Variants in USH2A observed in about 807,000 individuals in gnomAD.
USH2A encodes Usher syndrome 2A (autosomal recessive, mild).
A neutral mutation model predicts 538.9 loss-of-function variants in USH2A; 443 were observed. That is an observed-to-expected ratio of 0.82 (90% CI 0.76 to 0.89). USH2A has a LOEUF of 0.89. Among genes scored for constraint, USH2A ranks in the 40% least tolerant of loss-of-function variants. The probability of loss-of-function intolerance (pLI) is 0.00; values close to 1 mark genes in which losing one functional copy is unlikely to be tolerated. For missense variants in USH2A, 6,633 were observed against 6,324.8 expected (o/e 1.05, Z -1.65); for synonymous variants, 2,413 against 2,273.5 (o/e 1.06, Z -1.75).
At chr1:216,251,146 A>T (rs1190700295) in intron 11 of USH2A, 48 bp from the exon 12 acceptor site, 1 of 1,601,520 alleles carries the variant, frequency 6.2e-7, no homozygotes, top group East Asian at 2.2e-5. Context: ...ATCTATTTTT[A>T]GATAATTTGC....
chr1:216,063,891 T>C (rs2031263083), intron 30 of USH2A, among the ~76,000 whole-genome samples: 2 of 152,224 alleles, frequency 1.3e-5, no homozygotes, highest in African/African-American at 4.8e-5. Context: ...CAAATTTCTA[T>C]AGACTACTAA....
Position 215,877,837 on chromosome 1 carries a change from T to C in USH2A, c.8602A>G (p.Asn2868Asp). 2 of 1,613,842 alleles carry C rather than the reference T, an allele frequency of 1.2e-6. No homozygotes were observed. Among genetic ancestry groups the C allele is most frequent in the Non-Finnish European group, 1.7e-6 (2 of 1,179,766 alleles). The change falls in exon 43 of 72, where the codon AAT becomes GAT. Residue 2868 changes from asparagine (N) to aspartate (D), a missense_variant. Coordinates refer to ENST00000307340, the MANE Select transcript of USH2A (RefSeq NM_206933.4). ...RRKIQQPLAS[N>D]PPEDLNRWHN... ...CACCGATTTAAATCTTCTGGGGGAT[T>C]TGATGCAAGTGGCTGCTGGATTTTA...
chr1:216,148,367 C>G (rs1217349979), intron 21 of USH2A, among the ~76,000 whole-genome samples: 1 of 151,908 alleles, frequency 6.6e-6, no homozygotes, highest in East Asian at 1.9e-4. Context: ...ACAGCTATAT[C>G]TCATTGCCGC....
At chr1:216,258,982 C>G (rs1487237921) in intron 11 of USH2A, among the ~76,000 whole-genome samples, 1 of 152,048 alleles carries the variant, frequency 6.6e-6, no homozygotes, top group African/African-American at 2.4e-5. Context: ...GCTCTCAACC[C>G]AAATAACATA....
intron 30 of USH2A, among the ~76,000 whole-genome samples, chr1:216,067,704 G>C (rs2031426003): frequency 1.3e-5 from 2 of 152,164 alleles, no homozygotes; most frequent in African/African-American, 4.8e-5. Context: ...TGACTGGGTG[G>C]CTGGAGGTAT....
Position 216,227,057 on chromosome 1 carries a change from C to T in USH2A, c.2993+4896G>A, listed in dbSNP as rs77221814. Among the ~76,000 whole-genome samples, 634 of 152,276 alleles carry T rather than the reference C, an allele frequency of 4.2e-3. 1 individual carries two copies. Among genetic ancestry groups the T allele is most frequent in the African/African-American group, 0.015 (606 of 41,572 alleles). ...ACTCAAGTGGAAAGCACCACTGACC[C>T]CTCCCTTTTTCCCACCAGTGAAACC... On this transcript the variant is annotated intron_variant, in intron 14 of 71. Transcript: ENST00000307340.
intron 19 of USH2A, 138 bp downstream of exon 19, chr1:216,196,415 T>C (rs2034845072): frequency 4.7e-6 from 4 of 859,664 alleles, no homozygotes; most frequent in Admixed American, 2.3e-5. Context: ...CTTGTACACA[T>C]AATATTATAT....
chr1:216,059,623 T>C (rs1410026778), intron 30 of USH2A, among the ~76,000 whole-genome samples: 7 of 152,232 alleles, frequency 4.6e-5, no homozygotes, highest in Admixed American at 3.9e-4. Flanking sequence ...TGTAGTTGAA[T>C]GTTTGTAACT....
At chr1:215,939,816 A>G (rs1302293486) in intron 37 of USH2A, among the ~76,000 whole-genome samples, 1 of 152,090 alleles carries the variant, frequency 6.6e-6, no homozygotes, top group Non-Finnish European at 1.5e-5. Context: ...ATATTCTATA[A>G]TTTGACTGGC....
intron 4 of USH2A, among the ~76,000 whole-genome samples, chr1:216,346,168 T>C (rs889978431): frequency 6.6e-6 from 1 of 152,080 alleles, no homozygotes; most frequent in Non-Finnish European, 1.5e-5. Context: ...AAGCCAGAAT[T>C]ATTGACAGTT....
At position 215,683,255 on chromosome 1, in the gene USH2A, GCACA is replaced by G. The variant is rs71167831; in HGVS notation, c.12067-2883_12067-2880del. On this transcript the variant is annotated intron_variant, in intron 61 of 71. Transcript: ENST00000307340. ...CACACACACACACACACACACACACGCACACACACACAAACCACATATAGACTCC... is the reference window on the plus strand; with the variant it reads ...CACACACACACACACACACACACACGCACACACAAACCACATATAGACTCC... Among the ~76,000 whole-genome samples, 14 of 147,420 alleles carry G rather than the reference GCACA, an allele frequency of 9.5e-5. No homozygotes were observed. The East Asian group carries it at 2.0e-3, about 21-fold the overall frequency.
intron 3 of USH2A, among the ~76,000 whole-genome samples, chr1:216,385,155 A>G (rs778131413): frequency 5.9e-5 from 9 of 152,166 alleles, no homozygotes; most frequent in Non-Finnish European, 1.0e-4. Flanking sequence ...TAAAGGAAAC[A>G]TCTCTTTCCA....
chr1:215,647,850 T>G (rs1656910980), intron 66 of USH2A, 120 bp from the exon 67 acceptor site: 1 of 1,185,844 alleles, frequency 8.4e-7, no homozygotes. Context: ...ACAGGCTCTT[T>G]AAAATTTCCA....
chr1:215,729,916 T>A (rs1659942459), intron 60 of USH2A, among the ~76,000 whole-genome samples: 1 of 152,196 alleles, frequency 6.6e-6, no homozygotes, highest in Non-Finnish European at 1.5e-5. Flanking sequence ...AGCCACCATG[T>A]CTGGCTTGCT....
intron 9 of USH2A, among the ~76,000 whole-genome samples, chr1:216,314,418 GAATT>G (rs1401644502): frequency 3.3e-5 from 5 of 151,802 alleles, no homozygotes; most frequent in Admixed American, 2.0e-4. Context: ...ATATAAAAAT[GAATT>G]AATTTACTAG....
At chr1:215,633,692 G>A (rs574133674) in intron 70 of USH2A, among the ~76,000 whole-genome samples, 2 of 152,250 alleles carry the variant, frequency 1.3e-5, no homozygotes, top group South Asian at 4.1e-4. Flanking sequence ...AGCCCTGTGG[G>A]CGCCCAGCTT....
chr1:216,220,503 G>T (rs2035435706), intron 14 of USH2A, among the ~76,000 whole-genome samples: 1 of 150,684 alleles, frequency 6.6e-6, no homozygotes, highest in South Asian at 2.1e-4. Context: ...GGATGGGAAG[G>T]GTAATTTTAA....
At chr1:215,983,737 A>G (rs1667808637) in intron 35 of USH2A, among the ~76,000 whole-genome samples, 1 of 152,206 alleles carries the variant, frequency 6.6e-6, no homozygotes, top group African/African-American at 2.4e-5. Flanking sequence ...AATGGCATGG[A>G]AAAGATTTTA....
At chr1:216,269,305 C>T (rs930623249) in intron 11 of USH2A, among the ~76,000 whole-genome samples, 1 of 151,984 alleles carries the variant, frequency 6.6e-6, no homozygotes, top group Non-Finnish European at 1.5e-5. Flanking sequence ...AACAAGAGTT[C>T]CCCTGCACAA....
Sources: gnomAD v4.1 joint callset for allele counts (sites outside exome capture counted in the v4.1 genomes callset) on GRCh38, gnomAD v4.1.1 for gene constraint, MANE v1.5 for transcripts, NCBI Gene and HGNC (gene_info 2026-07-23, HGNC 2026-07-21) for gene names.